CHRNA3: variants seen among roughly 807,000 people sequenced by gnomAD.
The protein encoded by CHRNA3 is neuronal acetylcholine receptor subunit alpha-3.
CHRNA3 carries 34 observed loss-of-function variants against 41.9 expected under a neutral mutation model. The ratio of observed to expected loss-of-function variants is 0.81; its 90% CI spans 0.62 to 1.08. The LOEUF (loss-of-function observed/expected upper bound fraction) is 1.08. CHRNA3 is among the 50% of genes least tolerant of loss of function. CHRNA3 has a pLI of 0.00. For synonymous variants in CHRNA3, 281 were observed against 265.2 expected (o/e 1.06, Z -0.58); for missense variants, 542 against 638.3 (o/e 0.85, Z 1.63).
chr15:78,608,379 G>A (rs183966282), intron 4 of CHRNA3, among the ~76,000 whole-genome samples: 4 of 152,160 alleles, frequency 2.6e-5, no homozygotes, highest in African/African-American at 7.2e-5. Context: ...CCAGAGGAAC[G>A]ATCAGGCAGC....
chr15:78,614,250 C>A (rs2053429231), intron 4 of CHRNA3, among the ~76,000 whole-genome samples: 1 of 152,138 alleles, frequency 6.6e-6, no homozygotes, highest in Non-Finnish European at 1.5e-5. Flanking sequence ...ACTTTTTGCT[C>A]ATTTTCTTAA....
chr15:78,610,345 T>C (rs2053362973), intron 4 of CHRNA3, among the ~76,000 whole-genome samples: 1 of 152,116 alleles, frequency 6.6e-6, no homozygotes, highest in Non-Finnish European at 1.5e-5. Flanking sequence ...CCTCAGCAAA[T>C]GTAAAAGAAC....
intron 4 of CHRNA3, among the ~76,000 whole-genome samples, chr15:78,602,723 T>C (rs979714669): frequency 6.6e-6 from 1 of 152,188 alleles, no homozygotes; most frequent in Non-Finnish European, 1.5e-5. Context: ...AACCAGACTA[T>C]GGATGTGGAA....
In CHRNA3 at chr15:78,601,529, G is replaced by C. The variant is rs769886070; in HGVS notation, c.1113C>G (p.Pro371=). 6.8e-6 allele frequency: 11 copies of C among 1,614,048 alleles called. No homozygotes were observed. The highest frequency in any genetic ancestry group is 3.3e-5 in the Admixed American group (2 of 60,000). ...GATTTGAGAGCTCGGCACCGTAGAG[G>C]GGCCTCGGCTTCTGAGCGTTGCCCT... is the stretch of plus-strand genomic sequence containing the variant. ...SNEGNAQKPR[P]LYGAELSNLN... The change falls in exon 5 of 6, where the codon CCC becomes CCG. Residue 371 remains proline, a synonymous_variant. Transcript: ENST00000326828.
intron 4 of CHRNA3, among the ~76,000 whole-genome samples, chr15:78,603,418 C>G (rs1298083875): frequency 6.6e-6 from 1 of 152,228 alleles, no homozygotes; most frequent in East Asian, 1.9e-4. Flanking sequence ...CCGCGATGGC[C>G]AGATGAGGCC....
intron 4 of CHRNA3, among the ~76,000 whole-genome samples, chr15:78,605,473 G>C (rs2053269305): frequency 6.6e-6 from 1 of 152,064 alleles, no homozygotes; most frequent in South Asian, 2.1e-4. Flanking sequence ...AAGAGTGCCA[G>C]ACACAGGAAT....
intron 4 of CHRNA3, among the ~76,000 whole-genome samples, chr15:78,612,256 C>G (rs1171090201): frequency 6.6e-6 from 1 of 150,568 alleles, no homozygotes; most frequent in Non-Finnish European, 1.5e-5. Context: ...CCCGCATCGC[C>G]AAGTCAATCC....
chr15:78,600,871 AAAAT>A (rs775732226), intron 5 of CHRNA3, among the ~76,000 whole-genome samples: 3 of 151,944 alleles, frequency 2.0e-5, no homozygotes, highest in Non-Finnish European at 2.9e-5. Flanking sequence ...CTGTCTCAAA[AAAAT>A]AAATAAAAAT....
chr15:78,610,054 C>G (rs1426261217), intron 4 of CHRNA3, among the ~76,000 whole-genome samples: 1 of 152,184 alleles, frequency 6.6e-6, no homozygotes, highest in Admixed American at 6.5e-5. Flanking sequence ...GCACCCAATA[C>G]AGGAGCACCC....
Position 78,601,405 on chromosome 15 carries a change from A to G in CHRNA3, c.1237T>C (p.Ser413Pro). The change falls in exon 5 of 6, where the codon TCC becomes CCC. Residue 413 changes from serine to proline, a missense_variant. Physicochemically the swap from Ser to Pro is moderately conservative, Grantham distance 74 (BLOSUM62 -1). Transcript: ENST00000326828. ...GYCHHRRIKI[S>P]NFSANLTRSS... ...CTCGTGAGGTTAGCACTGAAATTGGAGATTTTTATCCTGCGGTGGTGGCAG... is the reference window on the plus strand; with the variant it reads ...CTCGTGAGGTTAGCACTGAAATTGGGGATTTTTATCCTGCGGTGGTGGCAG... 1 of 1,614,172 alleles carries G rather than the reference A, an allele frequency of 6.2e-7. No homozygotes were observed.
chr15:78,610,508 A>G (rs1349826246), intron 4 of CHRNA3, among the ~76,000 whole-genome samples: 1 of 152,170 alleles, frequency 6.6e-6, no homozygotes, highest in African/African-American at 2.4e-5. Flanking sequence ...GCAGAAATAA[A>G]GATGTTCTTT....
intron 4 of CHRNA3, among the ~76,000 whole-genome samples, chr15:78,605,179 A>T (rs1162939082): frequency 2.0e-5 from 3 of 152,170 alleles, no homozygotes; most frequent in African/African-American, 7.2e-5. Flanking sequence ...GGCATTTAAG[A>T]ACAGAAGTGG....
Position 78,617,141 on chromosome 15 carries a change from A to C in CHRNA3, c.268-8T>G. On this transcript the variant is annotated splice_polypyrimidine_tract_variant and splice_region_variant and intron_variant, in intron 3 of 5. Transcript: ENST00000326828. ...CTTGTAGTCATTCCAGATCTCGGGG[A>C]AGGAAGCAGGGAGGGAGAAGGAGAC... 6.4e-7 allele frequency: 1 copy of C among 1,571,940 alleles called. No homozygotes were observed. Among genetic ancestry groups the C allele is most frequent in the South Asian group, 1.1e-5 (1 of 89,852 alleles).
At position 78,618,791 on chromosome 15, in the gene CHRNA3, A is replaced by G; in HGVS notation, c.207T>C (p.Ser69=). ...CAGCACTCACCACCTTCACCAGCTG[A>G]GACATGGACACCTCGAAATGGATGA... ...PVIIHFEVSM[S]QLVKVDEVNQ... The change falls in exon 2 of 6, where the codon TCT becomes TCC. Residue 69 remains serine (S), a synonymous_variant. Transcript: ENST00000326828. 6.2e-7 allele frequency: 1 copy of G among 1,614,120 alleles called. No individual in the cohort carries two copies. Among genetic ancestry groups the G allele is most frequent in the South Asian group, 1.1e-5 (1 of 91,088 alleles).
intron 4 of CHRNA3, among the ~76,000 whole-genome samples, chr15:78,603,035 TTTTC>T (rs976508930): frequency 1.3e-5 from 2 of 152,302 alleles, no homozygotes; most frequent in African/African-American, 4.8e-5. Context: ...ACATTTTTCT[TTTTC>T]TTTGAGACAG....
At chr15:78,599,429 T>A (rs1258967173) in intron 5 of CHRNA3, among the ~76,000 whole-genome samples, 1 of 151,900 alleles carries the variant, frequency 6.6e-6, no homozygotes, top group South Asian at 2.1e-4. Flanking sequence ...TGGGAAGGTG[T>A]GGCCAGAGAC....
At chr15:78,613,559 AG>A (rs1286320354) in intron 4 of CHRNA3, among the ~76,000 whole-genome samples, 24 of 91,592 alleles carry the variant, frequency 2.6e-4, no homozygotes, top group African/African-American at 9.7e-4. Flanking sequence ...ATCACACACC[AG>A]GGACTGTTGT....
At chr15:78,594,448 A>T (rs889018748), downstream of CHRNA3, 4 of 152,166 alleles carry the variant, frequency 2.6e-5, no homozygotes, top group Non-Finnish European at 4.4e-5. Context: ...AGGCTGAGGC[A>T]GGTGGATCAC....
downstream of CHRNA3, chr15:78,595,263 A>G (rs930287015): frequency 1.0e-6 from 1 of 983,120 alleles, no homozygotes; most frequent in African/African-American, 1.7e-5. Flanking sequence ...ATAAATTTTT[A>G]TCGACATCTT....
Sources: allele counts gnomAD v4.1 joint callset (sites outside exome capture counted in the v4.1 genomes callset), GRCh38; gene constraint gnomAD v4.1.1; transcripts MANE v1.5; gene names NCBI Gene and HGNC (gene_info 2026-07-23, HGNC 2026-07-21).